Variants in CASZ1 observed in about 807,000 individuals in gnomAD.
The protein encoded by CASZ1 is zinc finger protein castor homolog 1.
A neutral mutation model predicts 135.2 loss-of-function variants in CASZ1; 28 were observed. The ratio of observed to expected loss-of-function variants is 0.21; its 90% CI spans 0.15 to 0.28. The LOEUF is 0.28. CASZ1 is among the 10% of genes least tolerant of loss of function. The probability of loss-of-function intolerance (pLI) is 1.00; values close to 1 mark genes in which losing one functional copy is unlikely to be tolerated. For missense variants in CASZ1, 2,161 were observed against 2,453.3 expected (o/e 0.88, Z 2.52); for synonymous variants, 1,068 against 1,073.4 (o/e 0.99, Z 0.10).
rs747986187 is a variant in CASZ1, at chr1:10,655,828, C to T, written c.1501-15G>A. 2.4e-5 allele frequency: 38 copies of T among 1,610,640 alleles called. No homozygotes were observed. Among genetic ancestry groups the T allele is most frequent in the African/African-American group, 5.3e-5 (4 of 74,864 alleles). On this transcript the variant is annotated splice_polypyrimidine_tract_variant and intron_variant, in intron 8 of 20. Transcript: ENST00000377022. Reference sequence around the variant, plus strand: ...CTCGTGAACCTCTGCCAGGAGACAGCGCCACGTGGGCAGGAGCCTGAGCTC... The same window carrying T: ...CTCGTGAACCTCTGCCAGGAGACAGTGCCACGTGGGCAGGAGCCTGAGCTC...
chr1:10,663,178 T>TG (rs1000749504), intron 5 of CASZ1, among the ~76,000 whole-genome samples: 9 of 152,282 alleles, frequency 5.9e-5, no homozygotes, highest in South Asian at 4.1e-4. Flanking sequence ...AAGGCGTGGC[T>TG]GGGGGGTCTC....
chr1:10,663,903 G>A (rs948687964), intron 5 of CASZ1, among the ~76,000 whole-genome samples: 21 of 152,224 alleles, frequency 1.4e-4, no homozygotes, highest in Admixed American at 1.1e-3. Flanking sequence ...TCCGCTCCCC[G>A]TCAGCTGCGG....
chr1:10,755,605 G>A lies in CASZ1; in HGVS notation c.-77+5096C>T, dbSNP rs151173365. ...CTCTTCCCTGGGGCCCGTGCATGGC[G>A]AGATGCGGGGTTTTCCTGCATCTGC... On this transcript the variant is annotated intron_variant, in intron 2 of 20. Transcript: ENST00000377022. This position sits in a 1 kb window ranked among gnomAD's most constrained non-coding sequence, Gnocchi z 4.3. 2.0e-5 allele frequency among the ~76,000 whole-genome samples: 3 copies of A among 152,206 alleles called. No homozygotes were observed. Among genetic ancestry groups the A allele is most frequent in the South Asian group, 2.1e-4 (1 of 4,820 alleles).
chr1:10,658,786 G>A (rs1038794261), intron 6 of CASZ1, among the ~76,000 whole-genome samples: 3 of 152,242 alleles, frequency 2.0e-5, no homozygotes, highest in Admixed American at 6.5e-5. Flanking sequence ...GTGCCATCTC[G>A]TGCAGGTGGG....
intron 17 of CASZ1, 28 bp from the exon 18 acceptor site, chr1:10,645,116 C>A (rs752650125): frequency 6.9e-6 from 11 of 1,604,028 alleles, no homozygotes; most frequent in South Asian, 1.1e-5. Flanking sequence ...AGGGTCAGGA[C>A]AGGCGGGTGA....
rs770972458 is a variant in CASZ1, at chr1:10,647,905, C to G, written c.3393G>C (p.Gln1131His). The change falls in exon 16 of 21, where the codon CAG becomes CAC. Residue 1131 changes from glutamine to histidine, a missense_variant. By Grantham distance (24) the Gln-to-His change is conservative. Around this residue, in one of 7 missense-constraint regions of CASZ1, gnomAD observed 349 missense variants for 460.8 expected, o/e 0.76. Transcript: ENST00000377022. The surrounding 1 kb of genome is among the most constrained non-coding windows in gnomAD (Gnocchi z 4.9). ...QLASTIPQMP[Q>H]IPASVPHLPA... is the part of the protein sequence containing the mutation. Reference sequence around the variant, plus strand: ...GCAGGTGAGGCACTGACGCTGGGATCTGAGGCATCTGGGGTATGGTGGAAG... The same window carrying G: ...GCAGGTGAGGCACTGACGCTGGGATGTGAGGCATCTGGGGTATGGTGGAAG... 5 of 1,613,600 alleles carry G rather than the reference C, an allele frequency of 3.1e-6. No homozygotes were observed. Among genetic ancestry groups the G allele is most frequent in the Middle Eastern group, 1.6e-4 (1 of 6,084 alleles).
In CASZ1 at chr1:10,742,218, A is replaced by T. The variant is rs1639937705; in HGVS notation, c.-77+18483T>A. Among the ~76,000 whole-genome samples the T allele has an allele frequency of 1.3e-5, 2 of 152,222 alleles. 1 individual carries two copies. The highest frequency in any genetic ancestry group is 4.1e-4 in the South Asian group (2 of 4,836). ...CAGAAAGCAAGAACCACGGAGGAGGACAAAGAGCTGGGCAGAGGGGCAGGA... is the reference window on the plus strand; with the variant it reads ...CAGAAAGCAAGAACCACGGAGGAGGTCAAAGAGCTGGGCAGAGGGGCAGGA... On this transcript the variant is annotated intron_variant, in intron 2 of 20. Transcript: ENST00000377022.
At chr1:10,732,436 C>G (rs1251967493) in intron 2 of CASZ1, among the ~76,000 whole-genome samples, 4 of 151,974 alleles carry the variant, frequency 2.6e-5, no homozygotes, top group Admixed American at 2.6e-4. Flanking sequence ...GTGTGAGAAC[C>G]ACTGTCTTGG....
In CASZ1 at chr1:10,794,675, C is replaced by T. The variant is rs1025535313; in HGVS notation, c.-234+1889G>A. On this transcript the variant is annotated intron_variant, in intron 1 of 20. Transcript: ENST00000377022. This position sits in a 1 kb window ranked among gnomAD's most constrained non-coding sequence, Gnocchi z 5.6. ...CCTCCCTCAGCGCTCCACTAGCCTC[C>T]CCCAACTCCGGACCCGGGTCGGGGA... 2.6e-5 allele frequency among the ~76,000 whole-genome samples: 4 copies of T among 152,220 alleles called. No individual in the cohort carries two copies. Among genetic ancestry groups the T allele is most frequent in the Non-Finnish European group, 5.9e-5 (4 of 68,030 alleles).
At chr1:10,787,273 C>T (rs554069553) in intron 1 of CASZ1, among the ~76,000 whole-genome samples, 36 of 152,326 alleles carry the variant, frequency 2.4e-4, no homozygotes, top group African/African-American at 6.3e-4. Flanking sequence ...GGCCACATCT[C>T]GCAAGACCTT....
intron 3 of CASZ1, among the ~76,000 whole-genome samples, chr1:10,702,690 C>T (rs1346377653): frequency 6.6e-6 from 1 of 152,086 alleles, no homozygotes; most frequent in East Asian, 1.9e-4. Flanking sequence ...TTGTGTCTGC[C>T]TCCTCCCAGC....
chr1:10,770,094 T>TC (rs951312683), intron 1 of CASZ1, among the ~76,000 whole-genome samples: 5 of 152,114 alleles, frequency 3.3e-5, no homozygotes, highest in Admixed American at 3.3e-4. Context: ...TTCTTTTCTT[T>TC]CTTTTTTTGA....
At chr1:10,748,299 C>T (rs944171132) in intron 2 of CASZ1, among the ~76,000 whole-genome samples, 3 of 152,108 alleles carry the variant, frequency 2.0e-5, no homozygotes, top group East Asian at 1.9e-4. Context: ...GGCGGCAGGC[C>T]GAGCCCTGTG....
At position 10,699,080 on chromosome 1, in the gene CASZ1, T is replaced by A. The variant is rs968154966; in HGVS notation, c.-23-5168A>T. 6.6e-6 allele frequency among the ~76,000 whole-genome samples: 1 copy of A among 152,056 alleles called. No individual in the cohort carries two copies. Among genetic ancestry groups the A allele is most frequent in the East Asian group, 1.9e-4 (1 of 5,180 alleles). ...GGGGTGGACAGGTATCACACATGGC[T>A]CCATGGCCCAGAGGCTGCTTGCTCC... On this transcript the variant is annotated intron_variant, in intron 3 of 20. Transcript: ENST00000377022. The surrounding 1 kb of genome is among the most constrained non-coding windows in gnomAD (Gnocchi z 4.6).
chr1:10,698,991 C>G (rs1426383899), intron 3 of CASZ1, among the ~76,000 whole-genome samples: 1 of 152,204 alleles, frequency 6.6e-6, no homozygotes, highest in Non-Finnish European at 1.5e-5. Flanking sequence ...TCAGCTCCCC[C>G]ACCGCTCCCC....
rs569084894 is a variant in CASZ1 at position 10,647,952 on chromosome 1, G to A, written c.3346C>T (p.Leu1116=). ...GAAGCCAGCTGCTTCCAGGCGAGCA[G>A]GGTGGGGGTGGAGGGCACGGAGGCC... ...SPASVPSTPT[L]LAWKQLASTI... The change falls in exon 16 of 21, where the codon CTG becomes TTG. Residue 1116 remains leucine (L), a synonymous_variant. Coordinates refer to ENST00000377022, the MANE Select transcript of CASZ1 (RefSeq NM_001079843.3). The surrounding 1 kb of genome is among the most constrained non-coding windows in gnomAD (Gnocchi z 4.9). The A allele has an allele frequency of 6.2e-7, 1 of 1,612,304 alleles. No homozygotes were observed. The highest frequency in any genetic ancestry group is 8.5e-7 in the Non-Finnish European group (1 of 1,179,068).
chr1:10,784,038 A>G (rs988006056), intron 1 of CASZ1, among the ~76,000 whole-genome samples: 1 of 152,078 alleles, frequency 6.6e-6, no homozygotes, highest in African/African-American at 2.4e-5. Context: ...TGCCTGCCCA[A>G]TTCCACAGGA....
At chr1:10,677,515 G>A (rs1294134105) in intron 4 of CASZ1, among the ~76,000 whole-genome samples, 1 of 152,210 alleles carries the variant, frequency 6.6e-6, no homozygotes, top group Non-Finnish European at 1.5e-5. Context: ...CGGAGCTAAG[G>A]AGGGCAGCCT....
At chr1:10,784,586 G>A (rs1640822107) in intron 1 of CASZ1, among the ~76,000 whole-genome samples, 2 of 152,016 alleles carry the variant, frequency 1.3e-5, no homozygotes. Flanking sequence ...TTTTTTGAGA[G>A]CGAGTCTCGC....
Sources: allele counts gnomAD v4.1 joint callset (sites outside exome capture counted in the v4.1 genomes callset), GRCh38; gene constraint gnomAD v4.1.1; regional missense constraint gnomAD v4.1.1; non-coding constraint Gnocchi (gnomAD v3.1); transcripts MANE v1.5; gene names NCBI Gene and HGNC (gene_info 2026-07-23, HGNC 2026-07-21).